SHROOM2: variants seen among roughly 807,000 people sequenced by gnomAD.
SHROOM2 encodes protein Shroom2.
A neutral mutation model predicts 75.9 loss-of-function variants in SHROOM2; 33 were observed. The observed-to-expected ratio is 0.43, with a 90% confidence interval of 0.33 to 0.58. The LOEUF is 0.58. Ranked by LOEUF, SHROOM2 falls within the 20% of genes least tolerant of loss-of-function variation. SHROOM2 has a pLI of 0.04. For synonymous variants in SHROOM2, 655 were observed against 663.6 expected, an observed-to-expected ratio of 0.99 and a Z score of 0.20; for missense variants, 1,434 against 1,461.2, an observed-to-expected ratio of 0.98 and a Z score of 0.30.
rs757907094 is a variant in SHROOM2 at position 9,895,545 on chromosome X, C to T, written c.1637C>T (p.Ser546Phe). 1 of 1,181,866 alleles carries T rather than the reference C, an allele frequency of 8.5e-7. No individual in the cohort carries two copies. The highest frequency in any genetic ancestry group is 1.9e-5 in the South Asian group (1 of 53,866). Residue 546 changes from serine (S) to phenylalanine (F), a missense_variant, in exon 4 of 10, where the codon TCC becomes TTC. Coordinates refer to ENST00000380913, the MANE Select transcript of SHROOM2 (RefSeq NM_001649.4). Reference sequence around the variant, plus strand: ...CTGGACAAAGGGGCCGAGGGCTGCTCCGCGGGAGCCCAGGAGCCTCCCAGG... The same window carrying T: ...CTGGACAAAGGGGCCGAGGGCTGCTTCGCGGGAGCCCAGGAGCCTCCCAGG... ...YPLDKGAEGC[S>F]AGAQEPPRAS...
intron 1 of SHROOM2, among the ~76,000 whole-genome samples, chrX:9,843,165 CACCTCCCCCACACTGG>C (rs975951311): frequency 5.5e-5 from 6 of 109,999 alleles, no homozygotes; most frequent in African/African-American, 2.0e-4. Flanking sequence ...GGAGAATTCT[CACCTCCCCCACACTGG>C]GCTTCCCCCT....
intron 1 of SHROOM2, among the ~76,000 whole-genome samples, chrX:9,789,973 C>T (rs938452275): frequency 8.4e-5 from 1 of 11,948 alleles, no homozygotes; most frequent in Non-Finnish European, 2.6e-4. Flanking sequence ...GCTTGGAGGT[C>T]CCCCCCACCT....
chrX:9,855,938 G>A (rs1458204243), intron 1 of SHROOM2, among the ~76,000 whole-genome samples: 2 of 111,133 alleles, frequency 1.8e-5, no homozygotes, highest in South Asian at 3.8e-4. Flanking sequence ...TAAGTTACTC[G>A]GCTTTAGCTG....
intron 5 of SHROOM2, among the ~76,000 whole-genome samples, chrX:9,907,436 C>T (rs750912845): frequency 9.0e-6 from 1 of 111,247 alleles, no homozygotes; most frequent in Non-Finnish European, 1.9e-5. Context: ...ATCCCACACA[C>T]CTGCATCCCA....
At chrX:9,809,408 A>C (rs1226737416) in intron 1 of SHROOM2, among the ~76,000 whole-genome samples, 4 of 111,209 alleles carry the variant, frequency 3.6e-5, no homozygotes, top group Admixed American at 1.9e-4. Flanking sequence ...CTCAAATGTT[A>C]ATCTCTTTTG....
At chrX:9,926,982 G>A (rs1430406605) in intron 5 of SHROOM2, among the ~76,000 whole-genome samples, 1 of 110,999 alleles carries the variant, frequency 9.0e-6, no homozygotes, top group Non-Finnish European at 1.9e-5. Context: ...GTTCATCGCG[G>A]GCAGCATTTC....
chrX:9,789,384 G>A (rs1455163188), intron 1 of SHROOM2, among the ~76,000 whole-genome samples: 1 of 108,092 alleles, frequency 9.3e-6, no homozygotes, highest in Non-Finnish European at 1.9e-5. Context: ...TCCTCAGTAC[G>A]TTTCTGCTGA....
At chrX:9,898,041 G>C (rs932030957) in intron 4 of SHROOM2, 149 bp from the exon 5 acceptor site, 4 of 508,513 alleles carry the variant, frequency 7.9e-6, no homozygotes, top group Non-Finnish European at 1.4e-5. Context: ...AACAGAAGTG[G>C]ACGTGGGGTC....
intron 1 of SHROOM2, among the ~76,000 whole-genome samples, chrX:9,857,053 C>T (rs187708212): frequency 5.0e-4 from 56 of 112,154 alleles, no homozygotes; most frequent in African/African-American, 1.5e-3. Context: ...AAGGTGCGGT[C>T]TTCCTGGAGA....
intron 5 of SHROOM2, among the ~76,000 whole-genome samples, chrX:9,909,814 T>G (rs187930841): frequency 7.9e-4 from 89 of 112,433 alleles, no homozygotes; most frequent in African/African-American, 2.7e-3. Flanking sequence ...TAAGATTATA[T>G]GATTTATAAA....
intron 1 of SHROOM2, among the ~76,000 whole-genome samples, chrX:9,792,998 T>C (rs137862457): frequency 0.018 from 2,002 of 111,002 alleles, 47 homozygotes; most frequent in African/African-American, 0.06. Context: ...GCATGAGCCA[T>C]CGTGACACGC....
chrX:9,852,817 A>G (rs1157008158), intron 1 of SHROOM2, among the ~76,000 whole-genome samples: 1 of 112,467 alleles, frequency 8.9e-6, no homozygotes, highest in Non-Finnish European at 1.9e-5. Context: ...ACTGAGGCCC[A>G]GAAAAGGTCA....
At chrX:9,863,615 G>T (rs1212948444) in intron 1 of SHROOM2, among the ~76,000 whole-genome samples, 5 of 107,438 alleles carry the variant, frequency 4.7e-5, no homozygotes, top group Non-Finnish European at 7.7e-5. Context: ...TTTTTTTTTG[G>T]GGGGGGTGTA....
In SHROOM2 at chrX:9,896,481, C is replaced by T. The variant is rs73474584; in HGVS notation, c.2573C>T (p.Ala858Val). 1.8e-5 allele frequency: 22 copies of T among 1,209,936 alleles called. No homozygotes were observed. In the East Asian group the frequency reaches 3.5e-4, roughly 20 times the overall value. ...GACAGCCTCAACGCTCACAGCGCAG[C>T]GGAGAAGGCAGGGACTTCAGACCTG... ...LGDSLNAHSA[A>V]EKAGTSDLPR... is the part of the protein sequence containing the mutation. The change falls in exon 4 of 10, where the codon GCG (alanine) becomes GTG (valine). Residue 858 changes from alanine to valine, a missense_variant. Ala to Val is a moderately conservative substitution (Grantham distance 64, BLOSUM62 0). This residue lies in a region of SHROOM2 where 1,340 missense variants were observed against 1,338.3 expected (regional missense o/e 1.00). Transcript: ENST00000380913.
chrX:9,798,472 C>G (rs919669646), intron 1 of SHROOM2, among the ~76,000 whole-genome samples: 2 of 111,588 alleles, frequency 1.8e-5, no homozygotes, highest in African/African-American at 3.3e-5. Context: ...TAGCCCAAAA[C>G]ATGTAATAAT....
At chrX:9,834,152 A>G (rs1421874598) in intron 1 of SHROOM2, among the ~76,000 whole-genome samples, 1 of 112,260 alleles carries the variant, frequency 8.9e-6, no homozygotes, top group Non-Finnish European at 1.9e-5. Flanking sequence ...TGCCCCCCAC[A>G]GCAAACGGGG....
At chrX:9,913,675 T>C (rs1479280673) in intron 5 of SHROOM2, among the ~76,000 whole-genome samples, 1 of 112,321 alleles carries the variant, frequency 8.9e-6, no homozygotes, top group African/African-American at 3.2e-5. Flanking sequence ...GAAATGCATG[T>C]TTTTAGCGGT....
At chrX:9,802,925 C>CTTTT (rs764750698) in intron 1 of SHROOM2, among the ~76,000 whole-genome samples, 1 of 86,817 alleles carries the variant, frequency 1.2e-5, no homozygotes, top group Admixed American at 1.3e-4. Flanking sequence ...CTGCAGATTT[C>CTTTT]TTTTTTTTTT....
intron 1 of SHROOM2, among the ~76,000 whole-genome samples, chrX:9,812,409 G>T (rs903939259): frequency 1.8e-5 from 2 of 111,932 alleles, no homozygotes; most frequent in Non-Finnish European, 3.8e-5. Flanking sequence ...CCCAAATGAG[G>T]TGTTGCCTCC....
Sources: allele counts gnomAD v4.1 joint callset (sites outside exome capture counted in the v4.1 genomes callset), GRCh38; gene constraint gnomAD v4.1.1; regional missense constraint gnomAD v4.1.1; transcripts MANE v1.5; gene names NCBI Gene and HGNC (gene_info 2026-07-23, HGNC 2026-07-21).